Variants in PKNOX2 observed in about 807,000 individuals in gnomAD.
PKNOX2 encodes homeobox protein PKNOX2.
A neutral mutation model predicts 53.1 loss-of-function variants in PKNOX2; 14 were observed. The observed-to-expected ratio is 0.26, with a 90% CI of 0.17 to 0.41. The LOEUF is 0.41. Ranked by LOEUF, PKNOX2 falls within the 10% of genes least tolerant of loss-of-function variation. The pLI, the probability that PKNOX2 is intolerant of heterozygous loss-of-function variation, is 1.00. For synonymous variants in PKNOX2, 257 were observed against 242.8 expected, an observed-to-expected ratio of 1.06 and a Z score of -0.54; for missense variants, 496 against 602.8, an observed-to-expected ratio of 0.82 and a Z score of 1.85.
chr11:125,225,905 G>A (rs1295250125), intron 1 of PKNOX2, among the ~76,000 whole-genome samples: 2 of 152,128 alleles, frequency 1.3e-5, no homozygotes, highest in East Asian at 1.9e-4. Context: ...TCCACAAGGG[G>A]AATTAAAGGC....
At chr11:125,271,456 G>A (rs763233158) in intron 2 of PKNOX2, among the ~76,000 whole-genome samples, 16 of 152,238 alleles carry the variant, frequency 1.1e-4, no homozygotes, top group Admixed American at 4.6e-4. Context: ...AATTTGCACC[G>A]GGGTTTCTTC....
chr11:125,419,382 A>C (rs1956050724), intron 10 of PKNOX2, among the ~76,000 whole-genome samples: 1 of 151,510 alleles, frequency 6.6e-6, no homozygotes, highest in Non-Finnish European at 1.5e-5. Flanking sequence ...CTTGCCTTGG[A>C]AAATGCTGAG....
At chr11:125,280,495 G>T (rs547064405) in intron 2 of PKNOX2, among the ~76,000 whole-genome samples, 1 of 152,300 alleles carries the variant, frequency 6.6e-6, no homozygotes, top group Admixed American at 6.5e-5. Flanking sequence ...CTGAACTTGA[G>T]AATCCAAACT....
intron 2 of PKNOX2, among the ~76,000 whole-genome samples, chr11:125,265,459 A>G (rs1591504446): frequency 1.3e-5 from 2 of 152,284 alleles, no homozygotes; most frequent in South Asian, 2.1e-4. Flanking sequence ...GTTCCTCTTC[A>G]GCACCCAGGA....
intron 2 of PKNOX2, among the ~76,000 whole-genome samples, chr11:125,272,183 C>T (rs1408862638): frequency 6.6e-6 from 1 of 152,198 alleles, no homozygotes; most frequent in Non-Finnish European, 1.5e-5. Context: ...TGACAGTCCT[C>T]CTGGCTGTGA....
At chr11:125,174,309 A>C (rs983256964) in intron 1 of PKNOX2, among the ~76,000 whole-genome samples, 1 of 152,172 alleles carries the variant, frequency 6.6e-6, no homozygotes, top group Non-Finnish European at 1.5e-5. Context: ...GCCCATTAGC[A>C]TGCTGTGGGG....
At chr11:125,259,585 G>A (rs972570284) in intron 2 of PKNOX2, among the ~76,000 whole-genome samples, 1 of 152,186 alleles carries the variant, frequency 6.6e-6, no homozygotes, top group African/African-American at 2.4e-5. Flanking sequence ...CTCCCCACAT[G>A]AGGCTGACCT....
chr11:125,389,388 C>T (rs150298284), intron 6 of PKNOX2, among the ~76,000 whole-genome samples: 16 of 152,284 alleles, frequency 1.1e-4, no homozygotes, highest in Non-Finnish European at 2.1e-4. Context: ...AAAGTGCCCC[C>T]GATATCTCTT....
At chr11:125,259,456 C>T (rs1036851661) in intron 2 of PKNOX2, among the ~76,000 whole-genome samples, 1 of 152,044 alleles carries the variant, frequency 6.6e-6, no homozygotes, top group East Asian at 1.9e-4. Flanking sequence ...GATCACTCCC[C>T]GAGTGATTTT....
intron 7 of PKNOX2, among the ~76,000 whole-genome samples, chr11:125,403,818 C>T (rs1426701480): frequency 6.6e-6 from 1 of 152,148 alleles, no homozygotes; most frequent in African/African-American, 2.4e-5. Context: ...TGCTAGTAGA[C>T]TGGAAGTAGG....
chr11:125,410,096 G>A (rs117085906), intron 7 of PKNOX2, 100 bp from the exon 8 acceptor site: 21,827 of 1,475,806 alleles, frequency 0.015, 213 homozygotes, highest in Admixed American at 0.029. Context: ...AAGGAGGGAG[G>A]GGGGCAGGCA....
At chr11:125,180,157 G>C (rs895328007) in intron 1 of PKNOX2, among the ~76,000 whole-genome samples, 1 of 152,208 alleles carries the variant, frequency 6.6e-6, no homozygotes, top group African/African-American at 2.4e-5. Flanking sequence ...TTGCTAGCTT[G>C]CTTGCTTTTT....
chr11:125,265,176 A>G (rs7946783), intron 2 of PKNOX2, among the ~76,000 whole-genome samples: 7,291 of 151,762 alleles, frequency 0.048, 574 homozygotes, highest in African/African-American at 0.16. Context: ...AGTCCCAGCT[A>G]CTCGGAAGGC....
At chr11:125,319,001 T>C (rs1305528101) in intron 2 of PKNOX2, among the ~76,000 whole-genome samples, 1 of 152,240 alleles carries the variant, frequency 6.6e-6, no homozygotes, top group East Asian at 1.9e-4. Context: ...GTTAAACTTC[T>C]TTTGTTCATA....
chr11:125,371,538 C>T (rs1290957350), intron 5 of PKNOX2, among the ~76,000 whole-genome samples: 3 of 152,130 alleles, frequency 2.0e-5, no homozygotes, highest in African/African-American at 7.2e-5. Flanking sequence ...TTCCCTCCCC[C>T]TCCTCCCCTC....
intron 10 of PKNOX2, among the ~76,000 whole-genome samples, chr11:125,423,950 A>G (rs907415909): frequency 2.0e-5 from 3 of 152,196 alleles, no homozygotes; most frequent in Non-Finnish European, 4.4e-5. Flanking sequence ...AAAAGGAACA[A>G]TTACAGTTAA....
chr11:125,299,731 T>G (rs1345421041), intron 2 of PKNOX2, among the ~76,000 whole-genome samples: 1 of 152,200 alleles, frequency 6.6e-6, no homozygotes, highest in African/African-American at 2.4e-5. Flanking sequence ...GGGGTCCTCC[T>G]TCTTACCCGA....
At chr11:125,409,362 G>A (rs144097256) in intron 7 of PKNOX2, among the ~76,000 whole-genome samples, 39 of 152,168 alleles carry the variant, frequency 2.6e-4, no homozygotes, top group Non-Finnish European at 4.6e-4. Flanking sequence ...AAAGAAAAGC[G>A]GCAAAGGTTC....
intron 2 of PKNOX2, chr11:125,258,905 A>G (rs1289273372): frequency 2.6e-6 from 1 of 382,982 alleles, no homozygotes; most frequent in Non-Finnish European, 5.3e-6. Flanking sequence ...CTGCAGCCTC[A>G]GCCTCAGCTC....
Sources: gnomAD v4.1 joint callset for allele counts (sites outside exome capture counted in the v4.1 genomes callset) on GRCh38, gnomAD v4.1.1 for gene constraint, MANE v1.5 for transcripts, NCBI Gene and HGNC (gene_info 2026-07-23, HGNC 2026-07-21) for gene names.